Variants in NKAIN2 observed in about 807,000 individuals in gnomAD.
The protein encoded by NKAIN2 is sodium/potassium-transporting ATPase subunit beta-1-interacting protein 2.
In NKAIN2, 14 loss-of-function variants were observed where a neutral mutation model predicts 32.6. The ratio of observed to expected loss-of-function variants is 0.43; its 90% CI spans 0.28 to 0.67. The LOEUF is 0.67. Ranked by LOEUF, NKAIN2 falls within the 30% of genes least tolerant of loss-of-function variation. The pLI, the probability that NKAIN2 is intolerant of heterozygous loss-of-function variation, is 0.17. For synonymous variants in NKAIN2, 80 were observed against 87.2 expected (o/e 0.92, Z 0.46); for missense variants, 198 against 258.3 (o/e 0.77, Z 1.60).
intron 3 of NKAIN2, among the ~76,000 whole-genome samples, chr6:124,555,439 A>G (rs1780437462): frequency 6.6e-6 from 1 of 152,178 alleles, no homozygotes; most frequent in South Asian, 2.1e-4. Flanking sequence ...TAACTATAGC[A>G]TACAATAAAA....
intron 1 of NKAIN2, among the ~76,000 whole-genome samples, chr6:123,979,652 C>A (rs1258751592): frequency 6.6e-6 from 1 of 152,138 alleles, no homozygotes; most frequent in African/African-American, 2.4e-5. Context: ...AATCCCATTG[C>A]CCAGGATTGT....
intron 1 of NKAIN2, among the ~76,000 whole-genome samples, chr6:124,099,176 G>C (rs945203055): frequency 2.0e-5 from 3 of 151,994 alleles, no homozygotes; most frequent in Admixed American, 1.3e-4. Flanking sequence ...ATTCTTTTAT[G>C]GTTATAGGAA....
chr6:123,866,500 G>C (rs1013058478), intron 1 of NKAIN2, among the ~76,000 whole-genome samples: 1 of 151,802 alleles, frequency 6.6e-6, no homozygotes, highest in African/African-American at 2.4e-5. Flanking sequence ...GTGCGATCTC[G>C]GCTCACTGCA....
intron 3 of NKAIN2, among the ~76,000 whole-genome samples, chr6:124,530,817 C>T (rs1367812863): frequency 2.6e-5 from 4 of 152,118 alleles, no homozygotes; most frequent in Non-Finnish European, 4.4e-5. Context: ...GAGTCCAAAG[C>T]TCCAAGAACC....
chr6:124,420,687 G>A (rs1562173157), intron 3 of NKAIN2, among the ~76,000 whole-genome samples: 1 of 152,088 alleles, frequency 6.6e-6, no homozygotes, highest in African/African-American at 2.4e-5. Context: ...GCCAACTGTT[G>A]CTAATCCATT....
intron 3 of NKAIN2, among the ~76,000 whole-genome samples, chr6:124,533,530 T>A (rs190276701): frequency 6.8e-6 from 1 of 147,878 alleles, no homozygotes; most frequent in African/African-American, 2.5e-5. Context: ...GCAGGGGAGA[T>A]GACGGGCAGG....
At chr6:124,205,294 A>G (rs1790809023) in intron 1 of NKAIN2, among the ~76,000 whole-genome samples, 1 of 151,826 alleles carries the variant, frequency 6.6e-6, no homozygotes, top group Non-Finnish European at 1.5e-5. Context: ...CAAATTATAT[A>G]AGCTAATTTT....
At chr6:124,636,544 C>A (rs1375184449) in intron 3 of NKAIN2, among the ~76,000 whole-genome samples, 1 of 151,418 alleles carries the variant, frequency 6.6e-6, no homozygotes, top group Non-Finnish European at 1.5e-5. Context: ...GGGAGAAGAC[C>A]CAAATAAATA....
intron 3 of NKAIN2, among the ~76,000 whole-genome samples, chr6:124,628,050 C>T (rs1783424184): frequency 6.6e-6 from 1 of 152,200 alleles, no homozygotes; most frequent in Non-Finnish European, 1.5e-5. Flanking sequence ...CACTTTCACA[C>T]ACATACACAT....
At chr6:124,195,082 CATT>C (rs1562415181) in intron 1 of NKAIN2, among the ~76,000 whole-genome samples, 1 of 148,274 alleles carries the variant, frequency 6.7e-6, no homozygotes, top group Non-Finnish European at 1.5e-5. Flanking sequence ...TAATATTAAA[CATT>C]ATAAATTTAA....
At chr6:124,354,844 GA>G (rs3054410) in intron 2 of NKAIN2, among the ~76,000 whole-genome samples, 6,982 of 100,736 alleles carry the variant, frequency 0.069, 215 homozygotes, top group African/African-American at 0.09. Context: ...ATAACAGTAA[GA>G]AAAAAAAAAA....
At chr6:124,061,895 T>A (rs548360695) in intron 1 of NKAIN2, among the ~76,000 whole-genome samples, 1 of 152,270 alleles carries the variant, frequency 6.6e-6, no homozygotes, top group South Asian at 2.1e-4. Flanking sequence ...CTTCATTGAT[T>A]TATCATTCTT....
At chr6:123,850,342 GAAA>G (rs367601380) in intron 1 of NKAIN2, among the ~76,000 whole-genome samples, 111 of 129,060 alleles carry the variant, frequency 8.6e-4, no homozygotes, top group African/African-American at 2.9e-3. Context: ...GCAAGCTGCT[GAAA>G]AAAAAAAAAA....
chr6:124,356,326 C>A (rs1227500756), intron 3 of NKAIN2, among the ~76,000 whole-genome samples: 1 of 152,096 alleles, frequency 6.6e-6, no homozygotes, highest in African/African-American at 2.4e-5. Flanking sequence ...ATCTTACATG[C>A]AGGAGTTTCA....
At chr6:124,038,269 G>A (rs1017819438) in intron 1 of NKAIN2, among the ~76,000 whole-genome samples, 7 of 150,696 alleles carry the variant, frequency 4.6e-5, no homozygotes, top group African/African-American at 1.7e-4. Flanking sequence ...GTCTCACTCT[G>A]TCACCCAGGC....
chr6:124,250,216 A>G (rs1200489477), intron 1 of NKAIN2, among the ~76,000 whole-genome samples: 1 of 152,096 alleles, frequency 6.6e-6, no homozygotes, highest in African/African-American at 2.4e-5. Flanking sequence ...TGCCTTGATC[A>G]GGGATTTTCC....
chr6:124,358,994 T>C (rs966381997), intron 3 of NKAIN2, among the ~76,000 whole-genome samples: 130 of 151,708 alleles, frequency 8.6e-4, no homozygotes, highest in African/African-American at 2.8e-3. Flanking sequence ...TCCATATGGC[T>C]AGCCAGTTTT....
chr6:124,432,302 T>C (rs1775253474), intron 3 of NKAIN2, among the ~76,000 whole-genome samples: 1 of 152,154 alleles, frequency 6.6e-6, no homozygotes, highest in South Asian at 2.1e-4. Context: ...AACATGGGCT[T>C]GATATGTTAT....
At chr6:124,214,093 C>T (rs1000785884) in intron 1 of NKAIN2, among the ~76,000 whole-genome samples, 10 of 152,110 alleles carry the variant, frequency 6.6e-5, no homozygotes, top group Admixed American at 6.6e-4. Context: ...AGACAATAGA[C>T]AAAACAATAA....
Sources: gnomAD v4.1 joint callset for allele counts (sites outside exome capture counted in the v4.1 genomes callset) on GRCh38, gnomAD v4.1.1 for gene constraint, MANE v1.5 for transcripts, NCBI Gene and HGNC (gene_info 2026-07-23, HGNC 2026-07-21) for gene names.